MACF1: variants seen among roughly 807,000 people sequenced by gnomAD.
The protein encoded by MACF1 is microtubule actin crosslinking factor 1, also known as microtubule-actin cross-linking factor 1.
In MACF1, 193 loss-of-function variants were observed where a neutral mutation model predicts 854.8. That is an observed-to-expected ratio of 0.23 (90% confidence interval 0.20 to 0.25). MACF1 has a LOEUF of 0.25. Ranked by LOEUF, MACF1 falls within the 10% of genes least tolerant of loss-of-function variation. The pLI is 1.00. For synonymous variants in MACF1, 3,185 were observed against 3,226.7 expected (o/e 0.99, Z 0.44); for missense variants, 7,722 against 8,929.1 (o/e 0.86, Z 5.45).
rs763396787 is a variant in MACF1, at chr1:39,315,622, G to A, written c.3380G>A (p.Arg1127His). The change falls in exon 27 of 101, where the codon CGC becomes CAC. Residue 1127 changes from arginine to histidine, a missense_variant. Transcript: ENST00000564288. ...SPSSSSVPTL[R>H]SELNLLVEKM... Reference sequence around the variant, plus strand: ...TCTAGTTCAAGTGTCCCAACTCTGCGCTCAGAACTGAATCTGCTGGTGGAG... The same window carrying A: ...TCTAGTTCAAGTGTCCCAACTCTGCACTCAGAACTGAATCTGCTGGTGGAG... The A allele has an allele frequency of 1.2e-5, 19 of 1,613,970 alleles. No individual in the cohort carries two copies. Among genetic ancestry groups the A allele is most frequent in the Admixed American group, 8.3e-5 (5 of 60,000 alleles).
Position 39,451,163 on chromosome 1 carries a change from C to G in MACF1, c.20370C>G (p.Pro6790=), listed in dbSNP as rs201606413. Residue 6790 remains proline (P), a synonymous_variant, in exon 85 of 101, where the codon CCC becomes CCG. Coordinates refer to ENST00000564288, the MANE Select transcript of MACF1 (RefSeq NM_001394062.1). The stretch of plus-strand genomic sequence containing the variant: ...AGCCACAGCTGGCTGAGGACCAGCC[C>G]GTGCACGGGGACCTTGACCTCGTCA... The part of the protein sequence containing the change: ...KVEPQLAEDQ[P]VHGDLDLVMN... 1 of 1,614,060 alleles carries G rather than the reference C, an allele frequency of 6.2e-7. No homozygotes were observed. The highest frequency in any genetic ancestry group is 1.7e-5 in the Admixed American group (1 of 60,010).
intron 18 of MACF1, 133 bp from the exon 19 acceptor site, chr1:39,294,913 T>C: frequency 3.2e-6 from 2 of 632,308 alleles, no homozygotes; most frequent in Non-Finnish European, 5.6e-6. Flanking sequence ...TGGCATGCAC[T>C]GTTTATACAT....
chr1:39,138,072 C>CA (rs1213606775), intron 2 of MACF1, among the ~76,000 whole-genome samples: 11,640 of 49,144 alleles, frequency 0.24, 1,505 homozygotes, highest in East Asian at 0.35. Flanking sequence ...GACTCCATCT[C>CA]AAAAAAAAAA....
intron 60 of MACF1, among the ~76,000 whole-genome samples, chr1:39,423,708 C>G (rs192432950): frequency 1.8e-3 from 278 of 151,714 alleles, no homozygotes; most frequent in African/African-American, 6.4e-3. Flanking sequence ...GAAATGTTTA[C>G]CGTAGTCAAG....
intron 58 of MACF1, among the ~76,000 whole-genome samples, chr1:39,398,715 C>T (rs993521302): frequency 6.6e-6 from 1 of 152,184 alleles, no homozygotes; most frequent in Non-Finnish European, 1.5e-5. Context: ...CCGGGAGTGA[C>T]TTACACAGAT....
intron 2 of MACF1, among the ~76,000 whole-genome samples, chr1:39,244,575 C>G (rs1644961464): frequency 2.7e-5 from 4 of 149,364 alleles, no homozygotes; most frequent in East Asian, 4.0e-4. Flanking sequence ...GCCACTGCAC[C>G]CAGCCATTTT....
chr1:39,192,517 A>G (rs977573842), intron 2 of MACF1, among the ~76,000 whole-genome samples: 3 of 152,246 alleles, frequency 2.0e-5, no homozygotes, highest in Non-Finnish European at 4.4e-5. Context: ...CTGACTGGAC[A>G]TAGCATTGTT....
intron 1 of MACF1, among the ~76,000 whole-genome samples, chr1:39,207,960 C>A (rs536415302): frequency 1.3e-4 from 19 of 151,832 alleles, no homozygotes; most frequent in South Asian, 1.0e-3. Context: ...ATGGTGAAAC[C>A]CCATCTCTAC....
chr1:39,273,317 T>C (rs1645366091), intron 6 of MACF1, among the ~76,000 whole-genome samples: 1 of 151,488 alleles, frequency 6.6e-6, no homozygotes, highest in Non-Finnish European at 1.5e-5. Context: ...ATACCAGTGT[T>C]CTTGCCACAA....
intron 64 of MACF1, 121 bp from the exon 65 acceptor site, chr1:39,429,706 C>T: frequency 4.0e-6 from 4 of 994,894 alleles, no homozygotes. Flanking sequence ...TAGGTGAAAT[C>T]ATTACCACAG....
At chr1:39,216,083 T>C (rs1355914183) in intron 1 of MACF1, among the ~76,000 whole-genome samples, 1 of 152,154 alleles carries the variant, frequency 6.6e-6, no homozygotes, top group Non-Finnish European at 1.5e-5. Flanking sequence ...GTTTCCTTGG[T>C]TTCAAAATTG....
rs1439514240 is a variant in MACF1 at position 39,475,594 on chromosome 1, C to T, written c.21959-4204C>T. 5.3e-5 allele frequency among the ~76,000 whole-genome samples: 8 copies of T among 151,930 alleles called. No individual in the cohort carries two copies. In the East Asian group the frequency reaches 1.5e-3, roughly 29 times the overall value. ...AGTTACCCAGTGGGGAGGAGGTGCTCCATGAAACACCTGAGTACAAGGGGG... is the reference window on the plus strand; with the variant it reads ...AGTTACCCAGTGGGGAGGAGGTGCTTCATGAAACACCTGAGTACAAGGGGG... On this transcript the variant is annotated intron_variant, in intron 97 of 100. Transcript: ENST00000564288.
chr1:39,364,096 C>T (rs531315856), intron 49 of MACF1, among the ~76,000 whole-genome samples: 68 of 152,172 alleles, frequency 4.5e-4, no homozygotes, highest in African/African-American at 1.4e-3. Context: ...GCCAAATTCC[C>T]CTCCATTGAA....
At chr1:39,096,635 A>G (rs1285506279) in intron 2 of MACF1, among the ~76,000 whole-genome samples, 2 of 151,330 alleles carry the variant, frequency 1.3e-5, no homozygotes, top group East Asian at 2.0e-4. Flanking sequence ...ACATACTTCT[A>G]CCTTCCTCCG....
intron 27 of MACF1, among the ~76,000 whole-genome samples, chr1:39,316,154 T>A (rs1217331918): frequency 6.6e-6 from 1 of 152,234 alleles, no homozygotes; most frequent in Non-Finnish European, 1.5e-5. Context: ...CTTTCTTCCA[T>A]GAGTCCACCA....
chr1:39,156,497 T>C (rs552371539), intron 2 of MACF1, among the ~76,000 whole-genome samples: 74 of 152,220 alleles, frequency 4.9e-4, no homozygotes, highest in Non-Finnish European at 9.3e-4. Flanking sequence ...TGTGTGCCTG[T>C]AGTCCCAGCT....
chr1:39,427,476 C>T lies in MACF1; in HGVS notation c.16338C>T (p.Ile5446=). The part of the protein sequence containing the change: ...AAARQKQLED[I]LVLAKQFHET... ...GTAGGCAAAAACAGCTGGAAGACAT[C>T]CTGGTTCTGGCCAAACAGTTCCATG... The change falls in exon 62 of 101, where the codon ATC becomes ATT. Residue 5446 remains isoleucine, a synonymous_variant. Transcript: ENST00000564288. 6.2e-7 allele frequency: 1 copy of T among 1,613,886 alleles called. No homozygotes were observed.
intron 2 of MACF1, among the ~76,000 whole-genome samples, chr1:39,097,196 C>T (rs753849894): frequency 7.2e-5 from 11 of 152,046 alleles, no homozygotes; most frequent in Non-Finnish European, 1.5e-4. Flanking sequence ...GGGATTCTAA[C>T]ACCCAGATGT....
chr1:39,470,233 G>T (rs1644750696), intron 97 of MACF1, among the ~76,000 whole-genome samples: 1 of 152,202 alleles, frequency 6.6e-6, no homozygotes, highest in Non-Finnish European at 1.5e-5. Flanking sequence ...GCTAAAGATA[G>T]CAGTTTTCAC....
Sources: allele counts gnomAD v4.1 joint callset (sites outside exome capture counted in the v4.1 genomes callset), GRCh38; gene constraint gnomAD v4.1.1; transcripts MANE v1.5; gene names NCBI Gene and HGNC (gene_info 2026-07-23, HGNC 2026-07-21).